The following DCUN1D4 variants were observed in gnomAD, a reference collection of about 807,000 sequenced individuals.
DCUN1D4 encodes defective in cullin neddylation 1 domain containing 4.
Under a neutral mutation model 47.9 loss-of-function variants are expected in DCUN1D4, and 22 were observed. That is an observed-to-expected ratio of 0.46 (90% CI 0.33 to 0.66). DCUN1D4 has a LOEUF of 0.66. Among genes scored for constraint, DCUN1D4 ranks in the 30% least tolerant of loss-of-function variants. The probability of loss-of-function intolerance (pLI) is 0.02; values close to 1 mark genes in which losing one functional copy is unlikely to be tolerated. For missense variants in DCUN1D4, 301 were observed against 340.8 expected, an observed-to-expected ratio of 0.88 and a Z score of 0.92; for synonymous variants, 121 against 112.2, an observed-to-expected ratio of 1.08 and a Z score of -0.50.
chr4:51,834,084 C>CTTTTTTTTTTT, the DCUN1D4 span, among the ~76,000 whole-genome samples: 3 of 44,992 alleles, frequency 6.7e-5, no homozygotes, highest in Non-Finnish European at 1.1e-4. Flanking sequence ...CTCTCTCTCT[C>CTTTTTTTTTTT]TCTTTTCTTT....
At chr4:51,837,749 A>C in the DCUN1D4 span, among the ~76,000 whole-genome samples, 1 of 150,234 alleles carries the variant, frequency 6.7e-6, no homozygotes, top group Admixed American at 6.6e-5. Flanking sequence ...CAGGAGAGGC[A>C]AAAAAAAATC....
At chr4:51,882,627 C>T (rs935124430) in intron 5 of DCUN1D4, among the ~76,000 whole-genome samples, 2 of 151,986 alleles carry the variant, frequency 1.3e-5, no homozygotes, top group Admixed American at 6.6e-5. Context: ...ATTAGTCGGG[C>T]GTGGTGGCGG....
chr4:51,913,621 A>G lies in DCUN1D4; in HGVS notation c.*37A>G, dbSNP rs772671011. ...TAGCAGCGAGAGAGTCACTGTTACCACAGTTTTGTCACCCATTAGCCATAA... is the reference window on the plus strand; with the variant it reads ...TAGCAGCGAGAGAGTCACTGTTACCGCAGTTTTGTCACCCATTAGCCATAA... On this transcript the variant is annotated 3_prime_UTR_variant, in exon 11 of 11. Transcript: ENST00000334635. 6.3e-7 allele frequency: 1 copy of G among 1,593,666 alleles called. No homozygotes were observed. The highest frequency in any genetic ancestry group is 1.1e-5 in the South Asian group (1 of 89,556).
the DCUN1D4 span, among the ~76,000 whole-genome samples, chr4:51,834,810 G>T: frequency 6.6e-6 from 1 of 152,104 alleles, no homozygotes; most frequent in South Asian, 2.1e-4. Flanking sequence ...AGCAAATGAC[G>T]CACGTCTGAT....
intron 1 of DCUN1D4, among the ~76,000 whole-genome samples, chr4:51,856,575 C>T (rs970833688): frequency 4.6e-5 from 7 of 152,092 alleles, no homozygotes; most frequent in African/African-American, 1.7e-4. Context: ...GATATTTTTG[C>T]TTTTATTGGA....
chr4:51,913,816 A>G lies in DCUN1D4; in HGVS notation c.*232A>G, dbSNP rs779654580. The stretch of plus-strand genomic sequence containing the variant: ...ACACTACAGATTGGTGAATTTGCCA[A>G]CGTCCTCACTGTGATTATGTGTATA... On this transcript the variant is annotated 3_prime_UTR_variant, in exon 11 of 11. Transcript: ENST00000334635. The G allele has an allele frequency of 3.9e-5, 18 of 462,898 alleles. No individual in the cohort carries two copies. Among genetic ancestry groups the G allele is most frequent in the Admixed American group, 3.0e-4 (8 of 26,860 alleles). The allele number at this position is 462,898 out of a possible 1,614,324, so 28.7% of individuals were successfully genotyped here.
intron 6 of DCUN1D4, among the ~76,000 whole-genome samples, chr4:51,888,066 A>G (rs989646123): frequency 6.6e-6 from 1 of 152,156 alleles, no homozygotes; most frequent in Non-Finnish European, 1.5e-5. Flanking sequence ...GAAGTTTTCT[A>G]TGAGAACTGG....
At chr4:51,843,009 C>A, upstream of DCUN1D4, 1 of 1,308,714 alleles carries the variant, frequency 7.6e-7, no homozygotes, top group East Asian at 3.1e-5. Flanking sequence ...CAGTGGGGGG[C>A]GGGGCCTCGT....
intron 8 of DCUN1D4, among the ~76,000 whole-genome samples, chr4:51,906,290 T>C (rs531070564): frequency 1.9e-4 from 29 of 152,276 alleles, no homozygotes; most frequent in Admixed American, 1.9e-3. Flanking sequence ...TTCAAGCTGG[T>C]ACACTGTCCT....
At chr4:51,895,670 G>A (rs969397352) in intron 7 of DCUN1D4, among the ~76,000 whole-genome samples, 2 of 151,758 alleles carry the variant, frequency 1.3e-5, no homozygotes, top group South Asian at 2.1e-4. Flanking sequence ...CCTTTTCCTG[G>A]GTAATAGGGG....
chr4:51,843,423 G>A (rs1577796071), intron 1 of DCUN1D4, 156 bp downstream of exon 1: 1 of 1,271,772 alleles, frequency 7.9e-7, no homozygotes, highest in African/African-American at 1.6e-5. Context: ...CGGGGCGGGC[G>A]GTGACGCTGC....
chr4:51,844,580 C>CT (rs1722201912), intron 1 of DCUN1D4, among the ~76,000 whole-genome samples: 2 of 151,870 alleles, frequency 1.3e-5, no homozygotes, highest in South Asian at 4.2e-4. Context: ...ACGCAGTTGT[C>CT]TAATTTCTGG....
At chr4:51,911,498 T>A (rs1733712793) in intron 9 of DCUN1D4, among the ~76,000 whole-genome samples, 1 of 152,190 alleles carries the variant, frequency 6.6e-6, no homozygotes, top group Non-Finnish European at 1.5e-5. Flanking sequence ...AAAAAGAAGA[T>A]TTACTTTCTT....
rs553913276 is a variant in DCUN1D4, at chr4:51,910,323, C to G, written c.616-747C>G. On this transcript the variant is annotated intron_variant, in intron 8 of 10. Transcript: ENST00000334635. ...CAAATGTAAGTGGAATGAGCTTACC[C>G]TGCCCTTATTTAGGTTTATGTTCTT... Among the ~76,000 whole-genome samples the G allele has an allele frequency of 7.2e-5, 11 of 152,232 alleles. No homozygotes were observed. The South Asian group carries it at 2.1e-3, about 29-fold the overall frequency.
At chr4:51,898,699 A>G (rs112104169) in intron 7 of DCUN1D4, among the ~76,000 whole-genome samples, 176 of 152,368 alleles carry the variant, frequency 1.2e-3, no homozygotes, top group Non-Finnish European at 2.1e-3. Flanking sequence ...ATTATCTGAC[A>G]GATGGACATT....
At chr4:51,835,133 C>T in the DCUN1D4 span, among the ~76,000 whole-genome samples, 722 of 152,246 alleles carry the variant, frequency 4.7e-3, 4 homozygotes, top group Non-Finnish European at 6.8e-3. Context: ...ATGCAGGTAG[C>T]GGGTGGGCAA....
chr4:51,877,702 T>TCTGCTA, intron 4 of DCUN1D4, 61 bp from the exon 5 acceptor site: 1 of 994,066 alleles, frequency 1.0e-6, no homozygotes, highest in Non-Finnish European at 1.5e-6. Context: ...ATATAAATTA[T>TCTGCTA]CTGCTACTTT....
At chr4:51,856,454 T>A (rs1178637877) in intron 1 of DCUN1D4, among the ~76,000 whole-genome samples, 2 of 152,224 alleles carry the variant, frequency 1.3e-5, no homozygotes, top group East Asian at 1.9e-4. Context: ...CAGCCAGTTT[T>A]AAAATTTTTT....
At chr4:51,898,040 A>AC (rs2110090749) in intron 7 of DCUN1D4, among the ~76,000 whole-genome samples, 1 of 152,338 alleles carries the variant, frequency 6.6e-6, no homozygotes, top group East Asian at 1.9e-4. Flanking sequence ...GGATGCTATA[A>AC]CCATTGTGTG....
Sources: gnomAD v4.1 joint callset for allele counts (sites outside exome capture counted in the v4.1 genomes callset) on GRCh38, gnomAD v4.1.1 for gene constraint, MANE v1.5 for transcripts, NCBI Gene and HGNC (gene_info 2026-07-23, HGNC 2026-07-21) for gene names.